Variants in LSAMP observed in about 807,000 individuals in gnomAD.
The protein encoded by LSAMP is limbic system associated membrane protein, also known as limbic system-associated membrane protein.
Under a neutral mutation model 38.6 loss-of-function variants are expected in LSAMP, and 7 were observed. The ratio of observed to expected loss-of-function variants is 0.18; its 90% CI spans 0.10 to 0.34. The LOEUF is 0.34. Ranked by LOEUF, LSAMP falls within the 10% of genes least tolerant of loss-of-function variation. LSAMP has a pLI of 1.00. For missense variants in LSAMP, 313 were observed against 420.0 expected (o/e 0.75, Z 2.23); for synonymous variants, 154 against 166.8 (o/e 0.92, Z 0.59).
intron 1 of LSAMP, among the ~76,000 whole-genome samples, chr3:116,428,422 C>A (rs2049233850): frequency 6.6e-6 from 1 of 152,190 alleles, no homozygotes; most frequent in Non-Finnish European, 1.5e-5. Context: ...TGCACCACTA[C>A]ACTCCAGCCT....
At chr3:116,360,098 T>G (rs34244146) in intron 1 of LSAMP, 1 of 150,036 alleles carries the variant, frequency 6.7e-6, no homozygotes, top group Non-Finnish European at 1.4e-5. Context: ...TCTGAGGTAC[T>G]GGGTTCATCT....
intron 3 of LSAMP, among the ~76,000 whole-genome samples, chr3:115,863,624 A>G (rs1033079808): frequency 3.9e-5 from 6 of 152,008 alleles, no homozygotes; most frequent in Non-Finnish European, 7.4e-5. Flanking sequence ...AATGTTAACA[A>G]TCTTACTTCT....
intron 1 of LSAMP, among the ~76,000 whole-genome samples, chr3:116,340,167 C>A (rs957276317): frequency 2.6e-5 from 4 of 151,960 alleles, no homozygotes; most frequent in Admixed American, 2.0e-4. Context: ...AGTCTGCAGG[C>A]TCTCAGAAGA....
chr3:116,037,641 T>C (rs1941075987), intron 2 of LSAMP, among the ~76,000 whole-genome samples: 1 of 152,174 alleles, frequency 6.6e-6, no homozygotes, highest in Admixed American at 6.5e-5. Context: ...TTATGTAATC[T>C]TCTTCTCAGA....
chr3:115,894,129 A>G (rs898083153), intron 3 of LSAMP, among the ~76,000 whole-genome samples: 1 of 152,040 alleles, frequency 6.6e-6, no homozygotes, highest in Non-Finnish European at 1.5e-5. Flanking sequence ...TCCATCAACC[A>G]TACTGCAAGA....
At chr3:116,399,810 T>C (rs942610374) in intron 1 of LSAMP, among the ~76,000 whole-genome samples, 3 of 152,182 alleles carry the variant, frequency 2.0e-5, no homozygotes, top group Non-Finnish European at 2.9e-5. Context: ...TGACATCTCA[T>C]TGCACATCTA....
intron 1 of LSAMP, among the ~76,000 whole-genome samples, chr3:116,263,464 C>A (rs535912783): frequency 3.3e-5 from 5 of 150,692 alleles, no homozygotes; most frequent in Non-Finnish European, 5.9e-5. Context: ...CTTGAACTTG[C>A]GAGGCAGAGG....
chr3:116,206,588 A>G (rs2046072704), intron 1 of LSAMP, among the ~76,000 whole-genome samples: 1 of 139,740 alleles, frequency 7.2e-6, no homozygotes, highest in Admixed American at 7.4e-5. Flanking sequence ...TGTCCCAGAG[A>G]TTCTGGTATG....
At chr3:116,302,250 C>T (rs917812392) in intron 1 of LSAMP, among the ~76,000 whole-genome samples, 3 of 152,178 alleles carry the variant, frequency 2.0e-5, no homozygotes, top group African/African-American at 7.2e-5. Context: ...AGTAAGCATG[C>T]CTGGGGTGGC....
chr3:115,832,886 T>G (rs1291462688), intron 6 of LSAMP, among the ~76,000 whole-genome samples: 1 of 152,236 alleles, frequency 6.6e-6, no homozygotes, highest in Non-Finnish European at 1.5e-5. Context: ...ATCCCTCGTG[T>G]TCCATCCCTA....
intron 3 of LSAMP, among the ~76,000 whole-genome samples, chr3:115,891,630 T>C (rs985185359): frequency 1.3e-5 from 2 of 152,016 alleles, no homozygotes; most frequent in Admixed American, 1.3e-4. Flanking sequence ...AATAGTCTAA[T>C]GAAGCTTCAG....
chr3:116,098,870 AT>A (rs2107446402), intron 1 of LSAMP, among the ~76,000 whole-genome samples: 1 of 152,328 alleles, frequency 6.6e-6, no homozygotes, highest in South Asian at 2.1e-4. Context: ...AAAAATGGGA[AT>A]AAAAGCAAGA....
intron 1 of LSAMP, among the ~76,000 whole-genome samples, chr3:116,351,319 G>A (rs950867911): frequency 2.0e-5 from 3 of 151,926 alleles, no homozygotes; most frequent in African/African-American, 4.8e-5. Context: ...CATTAAATAG[G>A]AAAATGATCA....
At chr3:115,902,649 AAAAC>A (rs1936906550) in intron 3 of LSAMP, among the ~76,000 whole-genome samples, 1 of 152,218 alleles carries the variant, frequency 6.6e-6, no homozygotes, top group South Asian at 2.1e-4. Flanking sequence ...TTTATAAGAA[AAAAC>A]AAACATCCCC....
At chr3:116,437,039 G>GTATA (rs1319985030) in intron 1 of LSAMP, among the ~76,000 whole-genome samples, 2 of 137,066 alleles carry the variant, frequency 1.5e-5, no homozygotes, top group East Asian at 4.1e-4. Context: ...ATATATATAT[G>GTATA]TGTATATATA....
chr3:116,057,932 T>TACACACACACACACACACACACAC (rs535645480), intron 2 of LSAMP, among the ~76,000 whole-genome samples: 8 of 136,658 alleles, frequency 5.9e-5, no homozygotes, highest in Admixed American at 1.5e-4. Context: ...ATATAGTAGC[T>TACACACACACACACACACACACAC]ACACACACAC....
chr3:115,884,972 T>C (rs150233142), intron 3 of LSAMP, among the ~76,000 whole-genome samples: 1 of 152,122 alleles, frequency 6.6e-6, no homozygotes, highest in African/African-American at 2.4e-5. Context: ...ATAGGTAGTA[T>C]GTACAAAATA....
At chr3:116,157,658 A>C (rs1164135488) in intron 1 of LSAMP, among the ~76,000 whole-genome samples, 1 of 152,124 alleles carries the variant, frequency 6.6e-6, no homozygotes, top group Non-Finnish European at 1.5e-5. Flanking sequence ...GAACCCAGAA[A>C]AAATTAAATC....
intron 3 of LSAMP, among the ~76,000 whole-genome samples, chr3:115,857,132 T>C (rs1232345889): frequency 6.6e-6 from 1 of 152,174 alleles, no homozygotes. Context: ...GGAGTTATCG[T>C]TTTGGAAACC....
Sources: allele counts gnomAD v4.1 joint callset (sites outside exome capture counted in the v4.1 genomes callset), GRCh38; gene constraint gnomAD v4.1.1; transcripts MANE v1.5; gene names NCBI Gene and HGNC (gene_info 2026-07-23, HGNC 2026-07-21).